Variants in SMG6 observed in about 807,000 individuals in gnomAD.
SMG6 encodes the protein telomerase-binding protein EST1A.
In SMG6, 66 loss-of-function variants were observed where a neutral mutation model predicts 142.2. The ratio of observed to expected loss-of-function variants is 0.46; its 90% confidence interval spans 0.38 to 0.57. The LOEUF is 0.57. SMG6 is among the 20% of genes least tolerant of loss of function. The probability of loss-of-function intolerance (pLI) is 0.00; values close to 1 mark genes in which losing one functional copy is unlikely to be tolerated. For missense variants in SMG6, 1,793 were observed against 1,832.0 expected (o/e 0.98, Z 0.39); for synonymous variants, 779 against 702.4 (o/e 1.11, Z -1.72).
At chr17:2,276,543 C>T (rs2074653348) in intron 8 of SMG6, among the ~76,000 whole-genome samples, 1 of 152,052 alleles carries the variant, frequency 6.6e-6, no homozygotes, top group African/African-American at 2.4e-5. Flanking sequence ...CGTCATCACA[C>T]CCAGCTTATT....
At chr17:2,097,825 A>G (rs1408482975) in intron 13 of SMG6, among the ~76,000 whole-genome samples, 1 of 152,148 alleles carries the variant, frequency 6.6e-6, no homozygotes, top group Admixed American at 6.5e-5. Flanking sequence ...CACTAAGACT[A>G]AAGTGTCTCC....
chr17:2,202,018 C>T (rs1390024147), intron 10 of SMG6, among the ~76,000 whole-genome samples: 2 of 145,090 alleles, frequency 1.4e-5, no homozygotes, highest in Admixed American at 6.9e-5. Context: ...AGCGAGACTC[C>T]ATCTCAAAGG....
At chr17:2,185,425 C>T (rs2071947653) in intron 12 of SMG6, among the ~76,000 whole-genome samples, 1 of 152,026 alleles carries the variant, frequency 6.6e-6, no homozygotes, top group Admixed American at 6.6e-5. Context: ...CCACAACACT[C>T]TGTAAATGTA....
chr17:2,140,963 T>G (rs1213482031), intron 13 of SMG6, among the ~76,000 whole-genome samples: 2 of 152,204 alleles, frequency 1.3e-5, no homozygotes, highest in African/African-American at 4.8e-5. Flanking sequence ...AGGTAGGGCC[T>G]AAAACATTAC....
rs546611111 is a variant in SMG6 at position 2,266,736 on chromosome 17, G to A, written c.2661+15911C>T. 3.3e-5 allele frequency among the ~76,000 whole-genome samples: 5 copies of A among 152,290 alleles called. No homozygotes were observed. The East Asian group carries it at 9.7e-4, about 29-fold the overall frequency. On this transcript the variant is annotated intron_variant, in intron 8 of 18. Transcript: ENST00000263073. ...AAAGCCCTGAAGTGGTTTGGTGACC[G>A]AGGTCATTTGGGGCATTAAGGGTTT...
intron 16 of SMG6, among the ~76,000 whole-genome samples, chr17:2,066,688 C>CACACACACACACACAT (rs2067961467): frequency 6.6e-6 from 1 of 150,976 alleles, no homozygotes; most frequent in African/African-American, 2.4e-5. Flanking sequence ...CACACACACA[C>CACACACACACACACAT]ACACACAATG....
At chr17:2,251,841 C>T (rs2074052958) in intron 8 of SMG6, among the ~76,000 whole-genome samples, 1 of 152,200 alleles carries the variant, frequency 6.6e-6, no homozygotes. Context: ...GTGGCTCATG[C>T]CTGTAATCCC....
intron 13 of SMG6, among the ~76,000 whole-genome samples, chr17:2,157,747 C>T (rs2071051041): frequency 6.6e-6 from 1 of 152,166 alleles, no homozygotes; most frequent in Admixed American, 6.5e-5. Flanking sequence ...ACCAATAAAA[C>T]CAAAACAGGC....
Position 2,085,241 on chromosome 17 carries a change from AATCAC to A in SMG6, c.3534+479_3534+483del, listed in dbSNP as rs1250894310. ...CAAACAAACAAGAGGAGAATTCCTT[AATCAC>A]ATCAGGATGTGCAGGAGGGAGGGAG... On this transcript the variant is annotated intron_variant, in intron 14 of 18. Coordinates refer to ENST00000263073, the MANE Select transcript of SMG6 (RefSeq NM_017575.5). The surrounding 1 kb of genome is among the most constrained non-coding windows in gnomAD (Gnocchi z 4.1). Among the ~76,000 whole-genome samples, 2 of 151,848 alleles carry A rather than the reference AATCAC, an allele frequency of 1.3e-5. No individual in the cohort carries two copies. Among genetic ancestry groups the A allele is most frequent in the Non-Finnish European group, 2.9e-5 (2 of 67,962 alleles).
chr17:2,231,622 G>A (rs990505569), intron 10 of SMG6, among the ~76,000 whole-genome samples: 88 of 152,104 alleles, frequency 5.8e-4, no homozygotes, highest in Non-Finnish European at 9.3e-4. Flanking sequence ...GCTTGAACCC[G>A]GGAGGCAGAG....
chr17:2,141,389 T>A (rs998084378), intron 13 of SMG6, among the ~76,000 whole-genome samples: 2 of 152,192 alleles, frequency 1.3e-5, no homozygotes, highest in Non-Finnish European at 2.9e-5. Context: ...AGAAAACTTT[T>A]AAAAAATCAT....
At chr17:2,175,986 T>C (rs184802925) in intron 12 of SMG6, among the ~76,000 whole-genome samples, 38 of 152,136 alleles carry the variant, frequency 2.5e-4, no homozygotes, top group African/African-American at 8.4e-4. Flanking sequence ...CAGAGACCCA[T>C]GGGCGACACA....
chr17:2,119,060 T>A (rs1356786593), intron 13 of SMG6, among the ~76,000 whole-genome samples: 5 of 61,092 alleles, frequency 8.2e-5, no homozygotes, highest in Admixed American at 4.6e-4. Flanking sequence ...CCTGGCTAAT[T>A]TTTTTTTTTT....
intron 18 of SMG6, 134 bp from the exon 19 acceptor site, chr17:2,061,756 T>C (rs1056270663): frequency 3.8e-6 from 4 of 1,050,314 alleles, no homozygotes; most frequent in Admixed American, 4.4e-5. Context: ...CTACCAGTCC[T>C]TTCCTCCGTC....
At chr17:2,223,801 AC>A (rs2151774414) in intron 10 of SMG6, among the ~76,000 whole-genome samples, 1 of 152,304 alleles carries the variant, frequency 6.6e-6, no homozygotes, top group East Asian at 1.9e-4. Flanking sequence ...TTGCCATAAG[AC>A]TGAGCTGTAA....
At position 2,069,024 on chromosome 17, in the gene SMG6, C is replaced by G. The variant is rs941473868; in HGVS notation, c.3682-93G>C. ...GACACTACGGTGTGTCAGCATCCTGCCCCTAGGAACCTCTTCCCCTCCACA... is the reference window on the plus strand; with the variant it reads ...GACACTACGGTGTGTCAGCATCCTGGCCCTAGGAACCTCTTCCCCTCCACA... On this transcript the variant is annotated intron_variant, in intron 15 of 18. Coordinates refer to ENST00000263073, the MANE Select transcript of SMG6 (RefSeq NM_017575.5). 23 of 1,251,432 alleles carry G rather than the reference C, an allele frequency of 1.8e-5. No homozygotes were observed. The African/African-American group carries it at 3.4e-4, about 19-fold the overall frequency. 77.5% of individuals were successfully genotyped at this position (1,251,432 alleles called of 1,614,324 possible). A position where few individuals can be genotyped will look rare whatever the true frequency, so the allele number is the denominator to read the frequency against.
intron 12 of SMG6, among the ~76,000 whole-genome samples, chr17:2,177,060 T>C (rs770933716): frequency 6.6e-6 from 1 of 152,010 alleles, no homozygotes; most frequent in African/African-American, 2.4e-5. Flanking sequence ...GGCTGGTTGT[T>C]TGGGGGATAT....
At position 2,283,657 on chromosome 17, in the gene SMG6, G is replaced by C; in HGVS notation, c.2416C>G (p.Leu806Val). ...SNPILTAKES[L>V]MSLFEETKRK... is the part of the protein sequence containing the mutation. Reference sequence around the variant, plus strand: ...TTGGTCTCTTCAAACAAGCTCATGAGACTCTCCTTGGCAGTCAGGATAGGG... The same window carrying C: ...TTGGTCTCTTCAAACAAGCTCATGACACTCTCCTTGGCAGTCAGGATAGGG... Residue 806 changes from leucine (L) to valine (V), a missense_variant, in exon 7 of 19, where the codon CTC (leucine) becomes GTC (valine). Around this residue, in one of 3 missense-constraint regions of SMG6, gnomAD observed 1,597 missense variants for 1,584.6 expected, o/e 1.01. Transcript: ENST00000263073. 1 of 1,614,110 alleles carries C rather than the reference G, an allele frequency of 6.2e-7. No individual in the cohort carries two copies. The highest frequency in any genetic ancestry group is 1.1e-5 in the South Asian group (1 of 91,078).
chr17:2,092,446 C>T (rs977467127), intron 13 of SMG6, among the ~76,000 whole-genome samples: 3 of 152,182 alleles, frequency 2.0e-5, no homozygotes, highest in Non-Finnish European at 2.9e-5. Context: ...TATCAATCAG[C>T]CAGCATTGCA....
Sources: allele counts gnomAD v4.1 joint callset (sites outside exome capture counted in the v4.1 genomes callset), GRCh38; gene constraint gnomAD v4.1.1; regional missense constraint gnomAD v4.1.1; non-coding constraint Gnocchi (gnomAD v3.1); transcripts MANE v1.5; gene names NCBI Gene and HGNC (gene_info 2026-07-23, HGNC 2026-07-21).